Variants in TMEM30A observed in about 807,000 individuals in gnomAD.
TMEM30A encodes cell division cycle 50 P4-ATPase accessory subunit A.
TMEM30A carries 24 observed loss-of-function variants against 38.2 expected under a neutral mutation model. That is an observed-to-expected ratio of 0.63 (90% CI 0.46 to 0.88). TMEM30A has a LOEUF of 0.88. Among genes scored for constraint, TMEM30A ranks in the 40% least tolerant of loss-of-function variants. The pLI is 0.00. For synonymous variants in TMEM30A, 145 were observed against 161.6 expected, an observed-to-expected ratio of 0.90 and a Z score of 0.78; for missense variants, 370 against 458.6, an observed-to-expected ratio of 0.81 and a Z score of 1.77.
intron 1 of TMEM30A, among the ~76,000 whole-genome samples, chr6:75,273,253 G>A (rs1772205264): frequency 6.6e-6 from 1 of 152,162 alleles, no homozygotes; most frequent in African/African-American, 2.4e-5. Flanking sequence ...CAGGAAATAA[G>A]GAACTGAAGA....
intron 3 of TMEM30A, among the ~76,000 whole-genome samples, chr6:75,263,133 A>AT (rs1269556606): frequency 6.6e-6 from 1 of 152,240 alleles, no homozygotes; most frequent in African/African-American, 2.4e-5. Flanking sequence ...AAGTTAAGAC[A>AT]TAAAAAAAAG....
rs1448601644 is a variant in TMEM30A at position 75,277,561 on chromosome 6, T to A, written c.237+6841A>T. Among the ~76,000 whole-genome samples the A allele has an allele frequency of 2.0e-5, 3 of 152,142 alleles. No homozygotes were observed. The East Asian group carries it at 5.8e-4, about 29-fold the overall frequency. The stretch of plus-strand genomic sequence containing the variant: ...TGAGGCTACAGTGAGCTATGAACAT[T>A]GCCACTGCACTCTAGCCTGGGCAAC... On this transcript the variant is annotated intron_variant, in intron 1 of 6. Coordinates refer to ENST00000230461, the MANE Select transcript of TMEM30A (RefSeq NM_018247.4).
chr6:75,259,102 T>G lies in TMEM30A; in HGVS notation c.686-116A>C, dbSNP rs1018418696. ...GGGGTTTATTCAAAAGAAGCTTTGC[T>G]GCAATTTTAAAATATTATAGCTGAA... On this transcript the variant is annotated intron_variant, in intron 5 of 6. Transcript: ENST00000230461. The G allele has an allele frequency of 7.2e-5, 68 of 944,914 alleles. No homozygotes were observed. In the Middle Eastern group the frequency reaches 1.7e-3, roughly 23 times the overall value. The allele number at this position is 944,914 out of a possible 1,614,324, so 58.5% of individuals were successfully genotyped here. A position where few individuals can be genotyped will look rare whatever the true frequency, so the allele number is the denominator to read the frequency against.
At chr6:75,261,543 C>G (rs240386) in intron 3 of TMEM30A, among the ~76,000 whole-genome samples, 139,534 of 152,228 alleles carry the variant, frequency 0.92, 64,161 homozygotes, top group East Asian at 0.98. Context: ...TTTTGACTTA[C>G]TCCCTACTGA....
intron 6 of TMEM30A, 34 bp from the exon 7 acceptor site, chr6:75,256,329 G>C: frequency 6.5e-7 from 1 of 1,541,248 alleles, no homozygotes; most frequent in East Asian, 2.3e-5. Flanking sequence ...TTCCATCTCT[G>C]GTTACTTGAT....
At chr6:75,265,151 T>C (rs1772046844) in intron 3 of TMEM30A, 80 bp downstream of exon 3, 6 of 887,820 alleles carry the variant, frequency 6.8e-6, no homozygotes, top group South Asian at 6.7e-5. Context: ...TTTAATTTCA[T>C]CCTAACAATT....
At chr6:75,258,593 T>C (rs567556836) in intron 6 of TMEM30A, among the ~76,000 whole-genome samples, 187 bp downstream of exon 6, 6 of 152,298 alleles carry the variant, frequency 3.9e-5, no homozygotes, top group South Asian at 2.1e-4. Context: ...ACCAAGTATA[T>C]GCGAATTCAA....
In TMEM30A at chr6:75,284,734, G is replaced by A. The variant is rs937922907; in HGVS notation, c.-96C>T. On this transcript the variant is annotated 5_prime_UTR_variant, in exon 1 of 7. Coordinates refer to ENST00000230461, the MANE Select transcript of TMEM30A (RefSeq NM_018247.4). ...GAACCGCTCGAGCGCCGCTGCCGCC[G>A]CCGCCGCCGCAGCCACCAGCGCCAC... 1.2e-5 allele frequency: 15 copies of A among 1,248,146 alleles called. No homozygotes were observed. In the African/African-American group the frequency reaches 1.3e-4, roughly 11 times the overall value. 77.3% of individuals were successfully genotyped at this position (1,248,146 alleles called of 1,614,324 possible). A position where few individuals can be genotyped will look rare whatever the true frequency, so the allele number is the denominator to read the frequency against.
intron 1 of TMEM30A, among the ~76,000 whole-genome samples, chr6:75,269,803 T>A (rs1227857713): frequency 6.6e-6 from 1 of 152,142 alleles, no homozygotes; most frequent in Non-Finnish European, 1.5e-5. Context: ...CAAGTGATTC[T>A]CCTGCCTCAG....
intron 1 of TMEM30A, among the ~76,000 whole-genome samples, chr6:75,273,635 T>C (rs1428269032): frequency 3.3e-5 from 5 of 152,134 alleles, no homozygotes; most frequent in African/African-American, 2.4e-5. Flanking sequence ...GAACATGATA[T>C]AGTTTTGATA....
At chr6:75,283,890 TC>T (rs1321243327) in intron 1 of TMEM30A, among the ~76,000 whole-genome samples, 2 of 152,208 alleles carry the variant, frequency 1.3e-5, no homozygotes, top group Admixed American at 6.5e-5. Context: ...ATTAGAATCG[TC>T]AATACCTCTA....
chr6:75,267,457 T>G (rs960039036), intron 2 of TMEM30A, among the ~76,000 whole-genome samples, 184 bp downstream of exon 2: 3 of 152,168 alleles, frequency 2.0e-5, no homozygotes, highest in Non-Finnish European at 2.9e-5. Context: ...ATAAATGTAT[T>G]TAATTACCAG....
intron 1 of TMEM30A, among the ~76,000 whole-genome samples, chr6:75,279,799 C>T (rs549986889): frequency 4.6e-5 from 7 of 152,178 alleles, no homozygotes; most frequent in South Asian, 2.1e-4. Context: ...TTGAAAGATG[C>T]GCATTTTTTA....
At chr6:75,256,794 A>C in intron 6 of TMEM30A, 1 of 475,452 alleles carries the variant, frequency 2.1e-6, no homozygotes, top group Non-Finnish European at 4.2e-6. Flanking sequence ...AAAAAGTTTT[A>C]ACTTGCTGAT....
intron 1 of TMEM30A, among the ~76,000 whole-genome samples, chr6:75,279,138 G>A (rs991488462): frequency 1.3e-5 from 2 of 152,034 alleles, no homozygotes; most frequent in South Asian, 4.2e-4. Flanking sequence ...TGGGCAGGGA[G>A]GGAAGTCCTG....
rs1772439016 is a variant in TMEM30A, at chr6:75,284,745, AGCCACCAGCGCCACC to A, written c.-122_-108del. 9.2e-7 allele frequency: 1 copy of A among 1,092,236 alleles called. No individual in the cohort carries two copies. Among genetic ancestry groups the A allele is most frequent in the Non-Finnish European group, 1.4e-6 (1 of 727,626 alleles). The allele number at this position is 1,092,236 out of a possible 1,614,324, so 67.7% of individuals were successfully genotyped here. A position where few individuals can be genotyped will look rare whatever the true frequency, so the allele number is the denominator to read the frequency against. Reference sequence around the variant, plus strand: ...GCGCCGCTGCCGCCGCCGCCGCCGCAGCCACCAGCGCCACCGCCACAGCCACCTCCGCTGTAGAGC... The same window carrying A: ...GCGCCGCTGCCGCCGCCGCCGCCGCAGCCACAGCCACCTCCGCTGTAGAGC... On this transcript the variant is annotated 5_prime_UTR_variant, in exon 1 of 7. Transcript: ENST00000230461.
chr6:75,267,693 T>C lies in TMEM30A; in HGVS notation c.293A>G (p.Asp98Gly), dbSNP rs1362355517. ...SSPCNKCLSPDVTPCFCTINF... is the reference protein window; with the variant it reads ...SSPCNKCLSPGVTPCFCTINF... ...AATGGTACAAAAGCAAGGTGTCACATCCGGAGATAAACATTTATTACAGGG... is the reference window on the plus strand; with the variant it reads ...AATGGTACAAAAGCAAGGTGTCACACCCGGAGATAAACATTTATTACAGGG... Residue 98 changes from aspartate (D) to glycine (G), a missense_variant, in exon 2 of 7, where the codon GAT (aspartate) becomes GGT (glycine). Coordinates refer to ENST00000230461, the MANE Select transcript of TMEM30A (RefSeq NM_018247.4). 1 of 1,611,898 alleles carries C rather than the reference T, an allele frequency of 6.2e-7. No individual in the cohort carries two copies. The highest frequency in any genetic ancestry group is 1.3e-5 in the African/African-American group (1 of 74,986).
In TMEM30A at chr6:75,267,705, CATTT is replaced by C. The variant is rs1195588694; in HGVS notation, c.277_280del (p.Lys93ValfsTer6). ...GCAAGGTGTCACATCCGGAGATAAA[CATTT>C]ATTACAGGGACTGGAAGGCTCTGTT... On this transcript the variant is annotated frameshift_variant, in exon 2 of 7. Coordinates refer to ENST00000230461, the MANE Select transcript of TMEM30A (RefSeq NM_018247.4). LOFTEE classifies it high-confidence loss of function. 1 of 1,611,022 alleles carries C rather than the reference CATTT, an allele frequency of 6.2e-7. No individual in the cohort carries two copies. Among genetic ancestry groups the C allele is most frequent in the Non-Finnish European group, 8.5e-7 (1 of 1,178,670 alleles).
chr6:75,279,810 C>T (rs1241559207), intron 1 of TMEM30A, among the ~76,000 whole-genome samples: 1 of 152,076 alleles, frequency 6.6e-6, no homozygotes. Context: ...GCATTTTTTA[C>T]ACTATATAGG....
Sources: allele counts gnomAD v4.1 joint callset (sites outside exome capture counted in the v4.1 genomes callset), GRCh38; gene constraint gnomAD v4.1.1; transcripts MANE v1.5; gene names NCBI Gene and HGNC (gene_info 2026-07-23, HGNC 2026-07-21).